Variants in GHRHR observed in about 807,000 individuals in gnomAD.
The protein encoded by GHRHR is growth hormone-releasing hormone receptor.
Under a neutral mutation model 58.3 loss-of-function variants are expected in GHRHR, and 40 were observed. The ratio of observed to expected loss-of-function variants is 0.69; its 90% confidence interval spans 0.53 to 0.89. GHRHR has a LOEUF of 0.89. Ranked by LOEUF, GHRHR falls within the 40% of genes least tolerant of loss-of-function variation. GHRHR has a pLI of 0.00. For synonymous variants in GHRHR, 249 were observed against 216.6 expected (o/e 1.15, Z -1.31); for missense variants, 551 against 541.3 (o/e 1.02, Z -0.18).
At position 30,972,079 on chromosome 7, in the gene GHRHR, A is replaced by G. The variant is rs773735226; in HGVS notation, c.581A>G (p.His194Arg). The G allele has an allele frequency of 4.3e-6, 7 of 1,614,000 alleles. No individual in the cohort carries two copies. The highest frequency in any genetic ancestry group is 1.1e-5 in the South Asian group (1 of 91,078). ...AALFHSDDTD[H>R]CSFSTVLCKV... ...CTTTTCCACAGCGACGACACTGACC[A>G]CTGCAGCTTCTCCACTGTAATGGCC... is the stretch of plus-strand genomic sequence containing the variant. Residue 194 changes from histidine to arginine, a missense_variant, in exon 6 of 13, where the codon CAC becomes CGC. Physicochemically the swap from His to Arg is conservative, Grantham distance 29. Coordinates refer to ENST00000326139, the MANE Select transcript of GHRHR (RefSeq NM_000823.4).
At position 30,979,175 on chromosome 7, in the gene GHRHR, C is replaced by T; in HGVS notation, c.1203C>T (p.Ala401=). 1.2e-6 allele frequency: 2 copies of T among 1,613,676 alleles called. No homozygotes were observed. The highest frequency in any genetic ancestry group is 1.7e-6 in the Non-Finnish European group (2 of 1,179,534). ...GCCATGACCCTGAGCTTCTGCCAGC[C>T]TGGAGGACCCGTGCTAAGTGGACCA... is the stretch of plus-strand genomic sequence containing the variant. The part of the protein sequence containing the change: ...WHGHDPELLP[A]WRTRAKWTTP... Residue 401 remains alanine (A), a synonymous_variant, in exon 13 of 13, where the codon GCC becomes GCT. Coordinates refer to ENST00000326139, the MANE Select transcript of GHRHR (RefSeq NM_000823.4).
chr7:30,969,822 G>C (rs374386802), intron 3 of GHRHR, 45 bp from the exon 4 acceptor site: 2 of 1,604,498 alleles, frequency 1.2e-6, no homozygotes, highest in African/African-American at 1.3e-5. Context: ...CCCCTCCTGG[G>C]GAGAGGGAAG....
rs546136901 is a variant in GHRHR, at chr7:30,976,689, C to G, written c.1104+131C>G. The G allele has an allele frequency of 2.3e-5, 18 of 771,074 alleles. No homozygotes were observed. In the South Asian group the frequency reaches 2.4e-4, roughly 10 times the overall value. The allele number at this position is 771,074 out of a possible 1,614,324, so 47.8% of individuals were successfully genotyped here. A position where few individuals can be genotyped will look rare whatever the true frequency, so the allele number is the denominator to read the frequency against. On this transcript the variant is annotated intron_variant, in intron 11 of 12. Coordinates refer to ENST00000326139, the MANE Select transcript of GHRHR (RefSeq NM_000823.4). ...TTCATCCATCTATTCAAATATCTGT[C>G]TGTCTGTCCATCTTCCAGCCACCCA...
At chr7:30,975,422 T>C (rs1029764025) in intron 9 of GHRHR, among the ~76,000 whole-genome samples, 8 of 152,202 alleles carry the variant, frequency 5.3e-5, no homozygotes, top group African/African-American at 1.9e-4. Flanking sequence ...CTGCTTTGCA[T>C]GGCTTTGGTA....
Position 30,972,069 on chromosome 7 carries a change from G to T in GHRHR, c.571G>T (p.Asp191Tyr). 1 of 1,614,030 alleles carries T rather than the reference G, an allele frequency of 6.2e-7. No homozygotes were observed. Among genetic ancestry groups the T allele is most frequent in the East Asian group, 2.2e-5 (1 of 44,858 alleles). ...LKDAALFHSDDTDHCSFSTVL... is the reference protein window; with the variant it reads ...LKDAALFHSDYTDHCSFSTVL... The stretch of plus-strand genomic sequence containing the variant: ...GGATGCTGCCCTTTTCCACAGCGAC[G>T]ACACTGACCACTGCAGCTTCTCCAC... The change falls in exon 6 of 13, where the codon GAC becomes TAC. Residue 191 changes from aspartate (D) to tyrosine (Y), a missense_variant. Physicochemically the swap from Asp to Tyr is radical, Grantham distance 160. Transcript: ENST00000326139.
intron 8 of GHRHR, among the ~76,000 whole-genome samples, 168 bp downstream of exon 8, chr7:30,974,657 C>T (rs1202153565): frequency 6.6e-6 from 1 of 151,926 alleles, no homozygotes; most frequent in African/African-American, 2.4e-5. Flanking sequence ...GGGGCATGAG[C>T]CAGGCAGGAG....
intron 12 of GHRHR, among the ~76,000 whole-genome samples, chr7:30,978,343 T>C (rs1792627365): frequency 6.6e-6 from 1 of 152,092 alleles, no homozygotes; most frequent in African/African-American, 2.4e-5. Flanking sequence ...AAAAAGTGTT[T>C]CCACAGAGAG....
chr7:30,975,933 T>C (rs1792568364), intron 10 of GHRHR, 65 bp downstream of exon 10: 2 of 912,594 alleles, frequency 2.2e-6, no homozygotes, highest in Admixed American at 1.7e-5. Context: ...AATGTGTCTG[T>C]CTCATCCAAT....
chr7:30,974,866 G>A, intron 8 of GHRHR, 105 bp from the exon 9 acceptor site: 3 of 813,888 alleles, frequency 3.7e-6, no homozygotes, highest in East Asian at 2.4e-5. Context: ...AAGGCTGGAG[G>A]GGAGGTGGGT....
At chr7:30,972,169 C>A (rs34315549) in intron 6 of GHRHR, 74 bp downstream of exon 6, 2 of 1,535,608 alleles carry the variant, frequency 1.3e-6, no homozygotes, top group African/African-American at 1.4e-5. Context: ...GATGTGCCTG[C>A]GTCAGGCTTC....
At position 30,975,784 on chromosome 7, in the gene GHRHR, T is replaced by C. The variant is rs1792564076; in HGVS notation, c.890T>C (p.Phe297Ser). The change falls in exon 10 of 13, where the codon TTT (phenylalanine) becomes TCT (serine). Residue 297 changes from phenylalanine (F) to serine (S), a missense_variant. Phe to Ser is a radical substitution (Grantham distance 155). Transcript: ENST00000326139. The stretch of plus-strand genomic sequence containing the variant: ...CTATGCCTCTATTTCCAGGTGAACT[T>C]TGGGCTTTTTCTCAATATTATCCGC... ...GPIVLSVGVN[F>S]GLFLNIIRIL... The C allele has an allele frequency of 6.2e-7, 1 of 1,606,476 alleles. No homozygotes were observed. Among genetic ancestry groups the C allele is most frequent in the Non-Finnish European group, 8.5e-7 (1 of 1,173,048 alleles).
intron 4 of GHRHR, among the ~76,000 whole-genome samples, chr7:30,970,315 C>T (rs1212284055): frequency 6.6e-6 from 1 of 152,132 alleles, no homozygotes; most frequent in Non-Finnish European, 1.5e-5. Context: ...CTTCTCTGGC[C>T]CTCAGTCTGT....
At chr7:30,972,258 C>T in intron 6 of GHRHR, 163 bp downstream of exon 6, 1 of 698,228 alleles carries the variant, frequency 1.4e-6, no homozygotes. Context: ...ATGTCACCCC[C>T]TAAGTCCTCA....
At position 30,975,138 on chromosome 7, in the gene GHRHR, G is replaced by A. The variant is rs962775656; in HGVS notation, c.882+98G>A. ...CAGGAAATGCAACTCCAGGCTGGGT[G>A]TCTTGAAAACTGGGCTCCAGCCTTG... On this transcript the variant is annotated intron_variant, in intron 9 of 12. Transcript: ENST00000326139. 1.3e-5 allele frequency: 11 copies of A among 873,938 alleles called. No individual in the cohort carries two copies. In the African/African-American group the frequency reaches 1.3e-4, roughly 10 times the overall value. 54.1% of individuals were successfully genotyped at this position (873,938 alleles called of 1,614,324 possible). A position where few individuals can be genotyped will look rare whatever the true frequency, so the allele number is the denominator to read the frequency against.
At position 30,974,058 on chromosome 7, in the gene GHRHR, C is replaced by T; in HGVS notation, c.671C>T (p.Ala224Val). Residue 224 changes from alanine to valine, a missense_variant, in exon 7 of 13, where the codon GCC becomes GTC. Coordinates refer to ENST00000326139, the MANE Select transcript of GHRHR (RefSeq NM_000823.4). ...AACTTCAGCTGGCTGTTGGCAGAAG[C>T]CGTCTACCTGAACTGCCTCCTGGCC... ...MTNFSWLLAE[A>V]VYLNCLLAST... 5.0e-6 allele frequency: 8 copies of T among 1,614,012 alleles called. No individual in the cohort carries two copies. Among genetic ancestry groups the T allele is most frequent in the Non-Finnish European group, 6.8e-6 (8 of 1,179,918 alleles).
chr7:30,975,946 G>A (rs915223270), intron 10 of GHRHR, 78 bp downstream of exon 10: 7 of 844,440 alleles, frequency 8.3e-6, no homozygotes, highest in Non-Finnish European at 1.5e-5. Context: ...CATCCAATAA[G>A]CACTCATGAC....
At position 30,968,885 on chromosome 7, in the gene GHRHR, G is replaced by A. The variant is rs1257725313; in HGVS notation, c.109G>A (p.Asp37Asn). ...ECDFITQLREDESACLQAAEE... is the reference protein window; with the variant it reads ...ECDFITQLRENESACLQAAEE... ...TGACTTCATCACCCAGCTGAGAGAG[G>A]ATGAGAGTGCCTGTCTACAAGCAGC... The change falls in exon 2 of 13, where the codon GAT (aspartate) becomes AAT (asparagine). Residue 37 changes from aspartate to asparagine, a missense_variant. Coordinates refer to ENST00000326139, the MANE Select transcript of GHRHR (RefSeq NM_000823.4). The A allele has an allele frequency of 2.5e-6, 4 of 1,613,950 alleles. No homozygotes were observed. Among genetic ancestry groups the A allele is most frequent in the Non-Finnish European group, 3.4e-6 (4 of 1,179,948 alleles).
chr7:30,975,084 C>T (rs751088793), intron 9 of GHRHR, 44 bp downstream of exon 9: 1 of 1,282,144 alleles, frequency 7.8e-7, no homozygotes, highest in Non-Finnish European at 1.1e-6. Flanking sequence ...CAGTCAACTT[C>T]CCTGGAACTA....
intron 1 of GHRHR, among the ~76,000 whole-genome samples, chr7:30,966,565 G>T (rs1022241852): frequency 6.6e-6 from 1 of 152,006 alleles, no homozygotes; most frequent in African/African-American, 2.4e-5. Flanking sequence ...CTTGTCCCCA[G>T]GTCCAGCTCA....
Sources: allele counts gnomAD v4.1 joint callset (sites outside exome capture counted in the v4.1 genomes callset), GRCh38; gene constraint gnomAD v4.1.1; transcripts MANE v1.5; gene names NCBI Gene and HGNC (gene_info 2026-07-23, HGNC 2026-07-21).